Variants in SH3BGRL2 observed in about 807,000 individuals in gnomAD.
SH3BGRL2 encodes SH3 domain binding glutamate rich protein like 2.
SH3BGRL2 carries 21 observed loss-of-function variants against 14.8 expected under a neutral mutation model. The observed-to-expected ratio is 1.42, with a 90% CI of 1.01 to 2.05. SH3BGRL2 has a LOEUF of 2.05. Ranked by LOEUF, SH3BGRL2 falls within the 30% of genes most tolerant of loss-of-function variation. The pLI is 0.00. For missense variants in SH3BGRL2, 147 were observed against 130.8 expected, an observed-to-expected ratio of 1.12 and a Z score of -0.61; for synonymous variants, 50 against 47.8, an observed-to-expected ratio of 1.05 and a Z score of -0.19.
chr6:79,557,257 T>C, the SH3BGRL2 span, among the ~76,000 whole-genome samples: 3 of 151,756 alleles, frequency 2.0e-5, no homozygotes, highest in Non-Finnish European at 4.4e-5. Flanking sequence ...TTTATATTTT[T>C]ATAATTTTTA....
the SH3BGRL2 span, among the ~76,000 whole-genome samples, chr6:79,580,192 A>T: frequency 6.6e-6 from 1 of 152,200 alleles, no homozygotes; most frequent in African/African-American, 2.4e-5. Context: ...CCCACACAAT[A>T]ATAATGGGAG....
chr6:79,685,882 C>T (rs1770080750), intron 2 of SH3BGRL2, among the ~76,000 whole-genome samples: 1 of 152,116 alleles, frequency 6.6e-6, no homozygotes, highest in Non-Finnish European at 1.5e-5. Context: ...GTCTGGCAAA[C>T]CTATTAGAGA....
chr6:79,694,243 C>T (rs1302103826), intron 2 of SH3BGRL2, among the ~76,000 whole-genome samples: 1 of 152,186 alleles, frequency 6.6e-6, no homozygotes, highest in Non-Finnish European at 1.5e-5. Context: ...TACTAAGTTA[C>T]ATACAGTTGA....
intron 1 of SH3BGRL2, among the ~76,000 whole-genome samples, chr6:79,663,079 C>G (rs529407504): frequency 2.0e-5 from 3 of 152,104 alleles, no homozygotes; most frequent in Admixed American, 6.5e-5. Context: ...AGCTTCCTTG[C>G]GAAGGGTTAG....
the SH3BGRL2 span, among the ~76,000 whole-genome samples, chr6:79,569,765 C>T: frequency 6.6e-6 from 1 of 152,156 alleles, no homozygotes; most frequent in African/African-American, 2.4e-5. Context: ...TAACCTTCTT[C>T]TGGTTTGTAT....
intron 1 of SH3BGRL2, among the ~76,000 whole-genome samples, chr6:79,645,217 G>A (rs946931236): frequency 6.6e-6 from 1 of 151,692 alleles, no homozygotes; most frequent in Non-Finnish European, 1.5e-5. Context: ...ACCCCAAACT[G>A]TCATTGTTTA....
chr6:79,546,527 A>AC, the SH3BGRL2 span, among the ~76,000 whole-genome samples: 1 of 152,282 alleles, frequency 6.6e-6, no homozygotes, highest in South Asian at 2.1e-4. Flanking sequence ...GTGTATGGAA[A>AC]GAAGGGAAGA....
chr6:79,702,221 A>G lies in SH3BGRL2; in HGVS notation c.*2712A>G, dbSNP rs559260699. On this transcript the variant is annotated 3_prime_UTR_variant, in exon 4 of 4. Transcript: ENST00000369838. The stretch of plus-strand genomic sequence containing the variant: ...TATAGATTTAATTCAATACCTCCAC[A>G]TAGATGTTTTTATATTACATGAATT... The G allele has an allele frequency of 6.5e-5, 10 of 152,752 alleles. No individual in the cohort carries two copies. In the South Asian group the frequency reaches 1.9e-3, roughly 28 times the overall value. The allele number at this position is 152,752 out of a possible 1,614,324, so 9.5% of individuals were successfully genotyped here.
At chr6:79,562,574 T>G in the SH3BGRL2 span, among the ~76,000 whole-genome samples, 2 of 152,206 alleles carry the variant, frequency 1.3e-5, no homozygotes, top group Non-Finnish European at 2.9e-5. Context: ...ATCTTTATTA[T>G]GTTTCATCCT....
chr6:79,673,640 T>C lies in SH3BGRL2; in HGVS notation c.72T>C (p.Val24=). 6.2e-7 allele frequency: 1 copy of C among 1,614,066 alleles called. No homozygotes were observed. The highest frequency in any genetic ancestry group is 8.5e-7 in the Non-Finnish European group (1 of 1,179,988). The change falls in exon 2 of 4, where the codon GTT becomes GTC. Residue 24 remains valine (V), a synonymous_variant. Coordinates refer to ENST00000369838, the MANE Select transcript of SH3BGRL2 (RefSeq NM_031469.4). ...TAAAGAAGAAGCAGCAAGATGTGGTTAGATTTCTGGAAGCCAACAAGATAG... is the reference window on the plus strand; with the variant it reads ...TAAAGAAGAAGCAGCAAGATGTGGTCAGATTTCTGGAAGCCAACAAGATAG... ...VAIKKKQQDV[V]RFLEANKIEF...
intron 1 of SH3BGRL2, among the ~76,000 whole-genome samples, chr6:79,645,173 G>A (rs377018407): frequency 1.7e-4 from 24 of 143,182 alleles, no homozygotes; most frequent in African/African-American, 5.8e-4. Context: ...AAAAAAAATA[G>A]GTCCTGAGTT....
upstream of SH3BGRL2, among the ~76,000 whole-genome samples, chr6:79,629,190 T>C (rs1768779639): frequency 6.6e-6 from 1 of 152,336 alleles, no homozygotes; most frequent in South Asian, 2.1e-4. Context: ...CTTAGAGCTA[T>C]TATCTCCAAC....
the SH3BGRL2 span, among the ~76,000 whole-genome samples, chr6:79,554,245 A>G: frequency 1.3e-5 from 2 of 152,176 alleles, no homozygotes; most frequent in East Asian, 1.9e-4. Flanking sequence ...TATTAATACC[A>G]TATCATTATG....
At chr6:79,651,136 A>G (rs1769283928) in intron 1 of SH3BGRL2, among the ~76,000 whole-genome samples, 1 of 152,128 alleles carries the variant, frequency 6.6e-6, no homozygotes, top group Non-Finnish European at 1.5e-5. Context: ...AGTGGCATCT[A>G]CGCACATTGA....
At chr6:79,634,784 G>T (rs1398326145) in intron 1 of SH3BGRL2, among the ~76,000 whole-genome samples, 1 of 152,120 alleles carries the variant, frequency 6.6e-6, no homozygotes, top group East Asian at 1.9e-4. Context: ...TCTTACCAGA[G>T]ATAGAAAAAT....
the SH3BGRL2 span, among the ~76,000 whole-genome samples, chr6:79,538,170 G>T: frequency 2.0e-5 from 3 of 151,048 alleles, no homozygotes; most frequent in Non-Finnish European, 1.5e-5. Context: ...ATCCTCTTTC[G>T]TGAGGGCTTT....
At chr6:79,668,706 T>C (rs1769712237) in intron 1 of SH3BGRL2, among the ~76,000 whole-genome samples, 1 of 152,146 alleles carries the variant, frequency 6.6e-6, no homozygotes, top group South Asian at 2.1e-4. Flanking sequence ...TATCAACAAT[T>C]TAATAAAACC....
At chr6:79,601,121 A>G in the SH3BGRL2 span, among the ~76,000 whole-genome samples, 3 of 152,364 alleles carry the variant, frequency 2.0e-5, no homozygotes, top group African/African-American at 7.2e-5. Flanking sequence ...CCCATGAATC[A>G]TGATGTTTAT....
intron 2 of SH3BGRL2, among the ~76,000 whole-genome samples, chr6:79,676,865 T>C (rs140259385): frequency 6.6e-6 from 1 of 152,268 alleles, no homozygotes; most frequent in Non-Finnish European, 1.5e-5. Context: ...TCTTTGCCCT[T>C]TGAAGTCTGT....
Sources: gnomAD v4.1 joint callset for allele counts (sites outside exome capture counted in the v4.1 genomes callset) on GRCh38, gnomAD v4.1.1 for gene constraint, MANE v1.5 for transcripts, NCBI Gene and HGNC (gene_info 2026-07-23, HGNC 2026-07-21) for gene names.